The following NFATC2 variants were observed in gnomAD, a reference collection of about 807,000 sequenced individuals.
NFATC2 encodes the protein nuclear factor of activated T-cells, cytoplasmic 2.
In NFATC2, 22 loss-of-function variants were observed where a neutral mutation model predicts 87.3. The observed-to-expected ratio is 0.25, with a 90% CI of 0.18 to 0.36. The LOEUF is 0.36. NFATC2 is among the 10% of genes least tolerant of loss of function. The pLI, the probability that NFATC2 is intolerant of heterozygous loss-of-function variation, is 1.00. For synonymous variants in NFATC2, 565 were observed against 542.2 expected (o/e 1.04, Z -0.58); for missense variants, 1,149 against 1,259.1 (o/e 0.91, Z 1.32).
At chr20:51,398,341 A>G (rs1185723261) in intron 10 of NFATC2, among the ~76,000 whole-genome samples, 1 of 152,070 alleles carries the variant, frequency 6.6e-6, no homozygotes, top group East Asian at 1.9e-4. Context: ...TGCAAAACCA[A>G]AAAGGAGCAG....
intron 5 of NFATC2, among the ~76,000 whole-genome samples, chr20:51,466,944 C>T (rs1192024974): frequency 2.6e-5 from 4 of 151,670 alleles, no homozygotes; most frequent in East Asian, 2.0e-4. Flanking sequence ...TGGTGGCAGT[C>T]GCCTGTAATC....
intron 2 of NFATC2, 91 bp from the exon 3 acceptor site, chr20:51,517,046 T>C (rs2076362640): frequency 1.6e-6 from 2 of 1,274,216 alleles, no homozygotes; most frequent in Non-Finnish European, 2.2e-6. Context: ...CTGAAAATCA[T>C]GGATACAGTC....
intron 6 of NFATC2, among the ~76,000 whole-genome samples, chr20:51,448,941 T>C (rs922070314): frequency 6.6e-6 from 1 of 152,228 alleles, no homozygotes; most frequent in Admixed American, 6.5e-5. Flanking sequence ...CAAGCTTTTC[T>C]AACTTAAGAA....
intron 1 of NFATC2, among the ~76,000 whole-genome samples, chr20:51,534,502 T>G (rs1037286016): frequency 5.9e-5 from 9 of 152,156 alleles, no homozygotes; most frequent in Non-Finnish European, 1.3e-4. Context: ...GCCCAGCTAA[T>G]TTTTGTATTT....
chr20:51,504,587 T>C (rs1023585725), intron 3 of NFATC2, among the ~76,000 whole-genome samples: 1 of 152,212 alleles, frequency 6.6e-6, no homozygotes, highest in Non-Finnish European at 1.5e-5. Flanking sequence ...CAAAAACCTA[T>C]TGAAATAGAC....
At chr20:51,508,307 C>T (rs1032136870) in intron 3 of NFATC2, among the ~76,000 whole-genome samples, 2 of 152,116 alleles carry the variant, frequency 1.3e-5, no homozygotes, top group African/African-American at 4.8e-5. Flanking sequence ...CACCCTCCCC[C>T]TCTCTCCACC....
intron 5 of NFATC2, among the ~76,000 whole-genome samples, chr20:51,460,448 A>G (rs1987018255): frequency 6.6e-6 from 1 of 152,200 alleles, no homozygotes; most frequent in Non-Finnish European, 1.5e-5. Context: ...CTGGCTTAAT[A>G]AACATGGGTC....
intron 9 of NFATC2, among the ~76,000 whole-genome samples, chr20:51,415,482 C>T (rs1220347096): frequency 1.3e-5 from 2 of 152,066 alleles, no homozygotes; most frequent in Non-Finnish European, 2.9e-5. Context: ...AGTAGTTGGC[C>T]ACCACCTGTC....
intron 1 of NFATC2, among the ~76,000 whole-genome samples, chr20:51,554,295 C>T (rs573301682): frequency 2.3e-4 from 35 of 152,216 alleles, no homozygotes; most frequent in Non-Finnish European, 4.9e-4. Flanking sequence ...ATCTGACTTT[C>T]AAATGCAAAC....
At chr20:51,484,608 C>T (rs1342097964) in intron 3 of NFATC2, among the ~76,000 whole-genome samples, 6 of 152,216 alleles carry the variant, frequency 3.9e-5, no homozygotes, top group Admixed American at 1.3e-4. Flanking sequence ...TCCAGACCTA[C>T]GCCTCTCCCA....
rs1034299293 is a variant in NFATC2 at position 51,389,832 on chromosome 20, T to C, written c.*1664A>G. The C allele has an allele frequency of 6.6e-6, 1 of 152,188 alleles. No individual in the cohort carries two copies. 9.4% of individuals were successfully genotyped at this position (152,188 alleles called of 1,614,324 possible). On this transcript the variant is annotated 3_prime_UTR_variant, in exon 11 of 11. Coordinates refer to ENST00000371564, the MANE Select transcript of NFATC2 (RefSeq NM_012340.5). ...GCCCACAGTGGGCACTGAGTGGCCA[T>C]GACTTTCTTCTGAGGCCTTCTGCCT...
intron 6 of NFATC2, 63 bp downstream of exon 6, chr20:51,454,485 T>C: frequency 6.3e-7 from 1 of 1,589,752 alleles, no homozygotes; most frequent in Non-Finnish European, 8.6e-7. Context: ...TTGTATATAA[T>C]AAAGAGATGG....
chr20:51,407,217 G>A (rs1034665814), intron 9 of NFATC2, among the ~76,000 whole-genome samples: 5 of 152,106 alleles, frequency 3.3e-5, no homozygotes, highest in African/African-American at 1.2e-4. Context: ...CACCTCCCCT[G>A]AGGTGCTCCC....
chr20:51,433,680 A>C (rs1218183505), intron 8 of NFATC2, among the ~76,000 whole-genome samples: 2 of 151,796 alleles, frequency 1.3e-5, no homozygotes, highest in Non-Finnish European at 2.9e-5. Flanking sequence ...TTTTCTTTTT[A>C]CTGGAGTGAG....
chr20:51,544,320 G>T (rs905946878), upstream of NFATC2, among the ~76,000 whole-genome samples: 3 of 152,068 alleles, frequency 2.0e-5, no homozygotes, highest in African/African-American at 7.2e-5. Context: ...TGAATCTAAG[G>T]TGCAGCCAGT....
At chr20:51,504,763 A>G (rs2076148258) in intron 3 of NFATC2, among the ~76,000 whole-genome samples, 1 of 152,146 alleles carries the variant, frequency 6.6e-6, no homozygotes, top group South Asian at 2.1e-4. Flanking sequence ...CTGCCTAGAA[A>G]TATTAGGAGG....
chr20:51,540,283 G>T (rs1370623414), intron 1 of NFATC2, among the ~76,000 whole-genome samples: 1 of 152,186 alleles, frequency 6.6e-6, no homozygotes, highest in East Asian at 1.9e-4. Context: ...AAAGTGTTGG[G>T]ATTACAGGCG....
Position 51,417,055 on chromosome 20 carries a change from C to G in NFATC2, c.2722+15012G>C, listed in dbSNP as rs910684743. Among the ~76,000 whole-genome samples, 5 of 152,250 alleles carry G rather than the reference C, an allele frequency of 3.3e-5. No homozygotes were observed. The South Asian group carries it at 1.0e-3, about 32-fold the overall frequency. Reference sequence around the variant, plus strand: ...GGATAAATGCCCTATTCTCTTTATACGTGGACTCAGAATCACTTCTCACAC... The same window carrying G: ...GGATAAATGCCCTATTCTCTTTATAGGTGGACTCAGAATCACTTCTCACAC... On this transcript the variant is annotated intron_variant, in intron 9 of 10. Coordinates refer to ENST00000371564, the MANE Select transcript of NFATC2 (RefSeq NM_012340.5).
At position 51,561,355 on chromosome 20, in the gene NFATC2, AAGAAAAGAAAGAAAGAGAG is replaced by A. The variant is rs1198371125; in HGVS notation, c.70+1186_70+1204del. 7.0e-5 allele frequency among the ~76,000 whole-genome samples: 10 copies of A among 143,692 alleles called. No homozygotes were observed. In the East Asian group the frequency reaches 1.8e-3, roughly 26 times the overall value. The allele number at this position is 143,692 out of a possible 152,430, so 94.3% of individuals were successfully genotyped here. On this transcript the variant is annotated intron_variant, in intron 1 of 10. Coordinates refer to the NFATC2 transcript ENST00000414705. ...AAAAAAAAAGAAAGAAAGAGAGAGAAAGAAAAGAAAGAAAGAGAGAGAAAAGAAAGAAAGAAAGAGAGAG... is the reference window on the plus strand; with the variant it reads ...AAAAAAAAAGAAAGAAAGAGAGAGAAAGAAAAGAAAGAAAGAAAGAGAGAG...
Sources: gnomAD v4.1 joint callset for allele counts (sites outside exome capture counted in the v4.1 genomes callset) on GRCh38, gnomAD v4.1.1 for gene constraint, MANE v1.5 for transcripts, NCBI Gene and HGNC (gene_info 2026-07-23, HGNC 2026-07-21) for gene names.